QTMAN: variants seen among roughly 807,000 people sequenced by gnomAD.
The protein encoded by QTMAN is tRNA-queuosine alpha-mannosyltransferase.
chr2:143,999,446 T>G, the QTMAN span, among the ~76,000 whole-genome samples: 1 of 143,884 alleles, frequency 7.0e-6, no homozygotes, highest in Non-Finnish European at 1.5e-5. Flanking sequence ...TAGAAAGGAG[T>G]AGGCTAATTA....
chr2:144,089,832 T>C, the QTMAN span, among the ~76,000 whole-genome samples: 1,244 of 151,720 alleles, frequency 8.2e-3, 30 homozygotes, highest in Non-Finnish European at 6.0e-3. Context: ...TATGGTAAGA[T>C]AGAAGGAATA....
At chr2:144,292,595 G>A in the QTMAN span, among the ~76,000 whole-genome samples, 6 of 152,022 alleles carry the variant, frequency 3.9e-5, no homozygotes, top group African/African-American at 1.2e-4. Flanking sequence ...AAAAATAATA[G>A]TGACACTTAG....
the QTMAN span, among the ~76,000 whole-genome samples, chr2:144,187,309 C>T: frequency 1.3e-5 from 2 of 152,182 alleles, no homozygotes. Flanking sequence ...AAGAATCAGA[C>T]ACGAGTGAAG....
the QTMAN span, among the ~76,000 whole-genome samples, chr2:144,126,820 G>A: frequency 6.6e-6 from 1 of 151,918 alleles, no homozygotes; most frequent in Non-Finnish European, 1.5e-5. Context: ...TCAACTGGGA[G>A]GAGAAAGGCT....
the QTMAN span, among the ~76,000 whole-genome samples, chr2:144,090,116 G>C: frequency 1.3e-5 from 2 of 151,812 alleles, no homozygotes; most frequent in Non-Finnish European, 1.5e-5. Flanking sequence ...AACAAGCAAA[G>C]GTAAGATTAT....
chr2:143,947,824 A>G, the QTMAN span, among the ~76,000 whole-genome samples: 373 of 152,198 alleles, frequency 2.5e-3, 1 homozygote, highest in African/African-American at 8.6e-3. Flanking sequence ...TAGACAAATC[A>G]GAGGAAAGCC....
the QTMAN span, among the ~76,000 whole-genome samples, chr2:144,175,818 C>T: frequency 1.3e-5 from 2 of 152,230 alleles, no homozygotes; most frequent in East Asian, 3.9e-4. Flanking sequence ...AGGCCCACCA[C>T]CATGTTCGGC....
the QTMAN span, among the ~76,000 whole-genome samples, chr2:143,981,858 A>T: frequency 1.3e-5 from 2 of 152,194 alleles, no homozygotes; most frequent in Non-Finnish European, 2.9e-5. Flanking sequence ...TTCATTTTAT[A>T]AACAGAATTA....
the QTMAN span, among the ~76,000 whole-genome samples, chr2:143,950,044 G>A: frequency 6.6e-6 from 1 of 151,554 alleles, no homozygotes; most frequent in Non-Finnish European, 1.5e-5. Context: ...ATGGATGAAG[G>A]CAAATGTGAA....
At chr2:144,110,110 T>C in the QTMAN span, among the ~76,000 whole-genome samples, 1 of 152,202 alleles carries the variant, frequency 6.6e-6, no homozygotes, top group Non-Finnish European at 1.5e-5. Context: ...ATTGAGGCAC[T>C]ATTCACAATA....
the QTMAN span, among the ~76,000 whole-genome samples, chr2:144,224,197 T>C: frequency 2.8e-3 from 433 of 152,376 alleles, 4 homozygotes; most frequent in African/African-American, 1.0e-2. Context: ...GCACAAGCTA[T>C]AGAAAATAGA....
At chr2:144,113,182 TA>T in the QTMAN span, among the ~76,000 whole-genome samples, 2 of 151,314 alleles carry the variant, frequency 1.3e-5, no homozygotes, top group Non-Finnish European at 2.9e-5. Flanking sequence ...GCAGCCAACA[TA>T]AAATGATTCA....
the QTMAN span, among the ~76,000 whole-genome samples, chr2:144,134,893 T>G: frequency 1.3e-5 from 2 of 152,128 alleles, no homozygotes; most frequent in Non-Finnish European, 2.9e-5. Flanking sequence ...TTTATATTAA[T>G]TATATGCAAC....
the QTMAN span, among the ~76,000 whole-genome samples, chr2:144,096,171 C>T: frequency 6.6e-6 from 1 of 152,134 alleles, no homozygotes; most frequent in African/African-American, 2.4e-5. Flanking sequence ...GGAGTCATAA[C>T]TAATGGATTA....
the QTMAN span, among the ~76,000 whole-genome samples, chr2:144,053,334 T>G: frequency 6.6e-6 from 1 of 152,190 alleles, no homozygotes; most frequent in Non-Finnish European, 1.5e-5. Context: ...GCCAATCTTA[T>G]GTAAAAATAA....
At chr2:143,965,377 C>A in the QTMAN span, among the ~76,000 whole-genome samples, 2 of 152,138 alleles carry the variant, frequency 1.3e-5, no homozygotes, top group Non-Finnish European at 2.9e-5. Context: ...TAGCACTTTC[C>A]CTCAAATTAT....
the QTMAN span, among the ~76,000 whole-genome samples, chr2:144,048,104 C>A: frequency 6.6e-6 from 1 of 152,184 alleles, no homozygotes; most frequent in Admixed American, 6.5e-5. Context: ...CAGTGGATTG[C>A]CTCACCAGAT....
chr2:144,169,071 T>C, the QTMAN span, among the ~76,000 whole-genome samples: 1 of 152,134 alleles, frequency 6.6e-6, no homozygotes, highest in Non-Finnish European at 1.5e-5. Context: ...AGGTTCAATG[T>C]CCCTTATAAT....
the QTMAN span, among the ~76,000 whole-genome samples, chr2:143,966,538 C>A: frequency 6.6e-6 from 1 of 152,142 alleles, no homozygotes; most frequent in Admixed American, 6.5e-5. Flanking sequence ...GTGACTAGGG[C>A]TGAGGAAAAC....
Sources: allele counts gnomAD v4.1 joint callset (sites outside exome capture counted in the v4.1 genomes callset), GRCh38; gene constraint gnomAD v4.1.1; transcripts MANE v1.5; gene names NCBI Gene and HGNC (gene_info 2026-07-23, HGNC 2026-07-21).